Variants in PNPLA5 observed in about 807,000 individuals in gnomAD.
PNPLA5 encodes the protein patatin-like phospholipase domain-containing protein 5.
PNPLA5 carries 44 observed loss-of-function variants against 49.1 expected under a neutral mutation model. The observed-to-expected ratio is 0.90, with a 90% CI of 0.70 to 1.15. The LOEUF (loss-of-function observed/expected upper bound fraction) is 1.15. PNPLA5 is among the 50% of genes most tolerant of loss of function. PNPLA5 has a pLI of 0.00. For missense variants in PNPLA5, 603 were observed against 564.0 expected (o/e 1.07, Z -0.70); for synonymous variants, 243 against 244.4 (o/e 0.99, Z 0.06).
At position 43,891,719 on chromosome 22, in the gene PNPLA5, G is replaced by A; in HGVS notation, c.162C>T (p.Asn54=). 1 of 1,548,118 alleles carries A rather than the reference G, an allele frequency of 6.5e-7. No homozygotes were observed. The highest frequency in any genetic ancestry group is 2.0e-5 in the Admixed American group (1 of 50,512). Residue 54 remains asparagine, a synonymous_variant, in exon 1 of 9, where the codon AAC becomes AAT. Transcript: ENST00000216177. Reference sequence around the variant, plus strand: ...ACTTGCCGCAGACGATGCTGACTGCGTTGAGCGCCCCAGACGAGGAACCGT... The same window carrying A: ...ACTTGCCGCAGACGATGCTGACTGCATTGAGCGCCCCAGACGAGGAACCGT... ...RIYGSSSGAL[N]AVSIVCGKSV...
chr22:43,891,182 A>G lies in PNPLA5; in HGVS notation c.306T>C (p.Asp102=), dbSNP rs2071884. ...PIEHVKQQLQ[D]ALPPDAHVLA... ...GGACGTGGGCGTCGGGGGGCAGAGC[A>G]TCCTGCAGCTGCTGCTTGACGTGCT... The change falls in exon 2 of 9, where the codon GAT becomes GAC. Residue 102 remains aspartate, a synonymous_variant. Transcript: ENST00000216177. 601,400 of 1,593,144 alleles carry G rather than the reference A, an allele frequency of 0.38. 115,106 individuals are homozygous for G. The highest frequency in any genetic ancestry group is 0.46 in the South Asian group (41,001 of 89,174).
intron 6 of PNPLA5, 107 bp from the exon 7 acceptor site, chr22:43,884,452 C>T (rs2049641880): frequency 7.2e-7 from 1 of 1,387,752 alleles, no homozygotes; most frequent in Non-Finnish European, 9.4e-7. Flanking sequence ...CCACCTTCTG[C>T]AGATGAAGAA....
At position 43,889,432 on chromosome 22, in the gene PNPLA5, G is replaced by A. The variant is rs10428037; in HGVS notation, c.599C>T (p.Thr200Ile). 0.02 allele frequency: 31,881 copies of A among 1,614,102 alleles called. 461 individuals are homozygous for A. The highest frequency in any genetic ancestry group is 0.061 in the African/African-American group (4,565 of 75,004). ...GTTCAGCTCATGCAGGTTGGGGGAG[G>A]TGCTCTGGGGGCAGATGTCCACTGT... Reference protein sequence around the residue: ...HGTVDICPQSTSPNLHELNVF... With the variant: ...HGTVDICPQSISPNLHELNVF... Residue 200 changes from threonine to isoleucine, a missense_variant, in exon 4 of 9, where the codon ACC becomes ATC. By Grantham distance (89) the Thr-to-Ile change is moderately conservative. Coordinates refer to ENST00000216177, the MANE Select transcript of PNPLA5 (RefSeq NM_138814.4).
At position 43,880,263 on chromosome 22, in the gene PNPLA5, G is replaced by A. The variant is rs868720317; in HGVS notation, c.*532C>T. ...CCTCCTCCTCCTGCTTCCTGCCAGG[G>A]CCTTCCACCCTCTGGACCTGATAGG... On this transcript the variant is annotated 3_prime_UTR_variant, in exon 9 of 9. Coordinates refer to ENST00000216177, the MANE Select transcript of PNPLA5 (RefSeq NM_138814.4). 1.0e-5 allele frequency: 4 copies of A among 397,416 alleles called. No homozygotes were observed. Among genetic ancestry groups the A allele is most frequent in the African/African-American group, 4.1e-5 (2 of 48,608 alleles). 24.6% of individuals were successfully genotyped at this position (397,416 alleles called of 1,614,324 possible).
At chr22:43,887,900 C>A (rs964607439) in intron 4 of PNPLA5, among the ~76,000 whole-genome samples, 1 of 152,178 alleles carries the variant, frequency 6.6e-6, no homozygotes, top group Non-Finnish European at 1.5e-5. Flanking sequence ...CATTGCATCT[C>A]CCCCCTGAGA....
At chr22:43,891,367 C>T in intron 1 of PNPLA5, 73 bp from the exon 2 acceptor site, 2 of 1,473,170 alleles carry the variant, frequency 1.4e-6, no homozygotes, top group Admixed American at 2.6e-5. Context: ...CCCCACTGCC[C>T]TCCTAGGTGC....
chr22:43,891,158 G>A lies in PNPLA5; in HGVS notation c.330C>T (p.Val110=). The change falls in exon 2 of 9, where the codon GTC becomes GTT. Residue 110 remains valine (V), a synonymous_variant. Transcript: ENST00000216177. The stretch of plus-strand genomic sequence containing the variant: ...AAATGCCCAGCCGCTGGGAGGCCAG[G>A]ACGTGGGCGTCGGGGGGCAGAGCAT... The part of the protein sequence containing the change: ...LQDALPPDAH[V]LASQRLGISL... 1 of 1,601,912 alleles carries A rather than the reference G, an allele frequency of 6.2e-7. No homozygotes were observed. The highest frequency in any genetic ancestry group is 8.5e-7 in the Non-Finnish European group (1 of 1,172,182).
chr22:43,880,517 T>A lies in PNPLA5; in HGVS notation c.*278A>T, dbSNP rs2049597066. The A allele has an allele frequency of 1.3e-5, 5 of 399,036 alleles. No individual in the cohort carries two copies. The highest frequency in any genetic ancestry group is 2.2e-5 in the Non-Finnish European group (5 of 226,912). 24.7% of individuals were successfully genotyped at this position (399,036 alleles called of 1,614,324 possible). A position where few individuals can be genotyped will look rare whatever the true frequency, so the allele number is the denominator to read the frequency against. On this transcript the variant is annotated 3_prime_UTR_variant, in exon 9 of 9. Transcript: ENST00000216177. ...CTCCCCAGCAATGCTGCCCTCCTAG[T>A]CCCCCCGTGGAAATTCTGAAAGTAA...
chr22:43,886,338 G>T lies in PNPLA5; in HGVS notation c.914C>A (p.Pro305His). 3.7e-6 allele frequency: 6 copies of T among 1,614,074 alleles called. No homozygotes were observed. The highest frequency in any genetic ancestry group is 5.1e-6 in the Non-Finnish European group (6 of 1,179,988). ...CTCTGGTGAGAGCTGCTCAAAGTTG[G>T]GTACATCCTTGACTTGCACATGGGG... ...KVPHVQVKDV[P>H]NFEQLSPELE... The change falls in exon 6 of 9, where the codon CCC becomes CAC. Residue 305 changes from proline to histidine, a missense_variant. Pro to His is a moderately conservative substitution (Grantham distance 77, BLOSUM62 -2). Transcript: ENST00000216177.
intron 7 of PNPLA5, among the ~76,000 whole-genome samples, chr22:43,882,250 C>T (rs1430442173): frequency 6.6e-6 from 1 of 152,238 alleles, no homozygotes; most frequent in Non-Finnish European, 1.5e-5. Context: ...TTCCCCACTG[C>T]CTCCATGATG....
rs713864 is a variant in PNPLA5, at chr22:43,889,787, G to A, written c.492+12C>T. The stretch of plus-strand genomic sequence containing the variant: ...GCCCAGAGCACAGAACGGGGTTCCA[G>A]AGTGCACTCACCTCCCCTCTGAACT... On this transcript the variant is annotated intron_variant, in intron 3 of 8. Transcript: ENST00000216177. 600,703 of 1,610,078 alleles carry A rather than the reference G, an allele frequency of 0.37. 113,741 individuals carry two copies. Among genetic ancestry groups the A allele is most frequent in the East Asian group, 0.46 (20,701 of 44,806 alleles).
chr22:43,881,880 T>C (rs1386226661), intron 7 of PNPLA5: 1 of 551,862 alleles, frequency 1.8e-6, no homozygotes, highest in East Asian at 1.4e-4. Flanking sequence ...AGATCCAAAA[T>C]GGACTTTGAA....
chr22:43,891,774 G>T lies in PNPLA5; in HGVS notation c.107C>A (p.Pro36Gln). Residue 36 changes from proline to glutamine, a missense_variant, in exon 1 of 9, where the codon CCG (proline) becomes CAG (glutamine). Coordinates refer to ENST00000216177, the MANE Select transcript of PNPLA5 (RefSeq NM_138814.4). Reference protein sequence around the residue: ...GATECLRQRAPRLLQGARRIY... With the variant: ...GATECLRQRAQRLLQGARRIY... ...GCGGCGGGCGCCCTGGAGGAGGCGC[G>T]GGGCTCGCTGGCGCAGGCATTCGGT... The T allele has an allele frequency of 6.5e-7, 1 of 1,530,490 alleles. No homozygotes were observed. The highest frequency in any genetic ancestry group is 8.8e-7 in the Non-Finnish European group (1 of 1,141,268). The allele number at this position is 1,530,490 out of a possible 1,614,324, so 94.8% of individuals were successfully genotyped here. A position where few individuals can be genotyped will look rare whatever the true frequency, so the allele number is the denominator to read the frequency against.
intron 7 of PNPLA5, 143 bp downstream of exon 7, chr22:43,884,070 C>T: frequency 1.4e-6 from 1 of 697,990 alleles, no homozygotes; most frequent in Non-Finnish European, 2.3e-6. Flanking sequence ...ATGCAGTCAA[C>T]ACCACACAGT....
Position 43,884,221 on chromosome 22 carries a change from G to T in PNPLA5, c.1074C>A (p.Arg358=), listed in dbSNP as rs747604665. The change falls in exon 7 of 9, where the codon CGC becomes CGA. Residue 358 remains arginine, a synonymous_variant. Transcript: ENST00000216177. ...CCCTGGCCGAGCCTTACCTTCTGCT[G>T]CGGAAGTAGATGTACTCGAAGGGCA... ...CTLPFEYIYF[R]SRRLVVWLPD... 2 of 1,553,406 alleles carry T rather than the reference G, an allele frequency of 1.3e-6. No homozygotes were observed. The highest frequency in any genetic ancestry group is 2.4e-5 in the South Asian group (2 of 84,132).
intron 2 of PNPLA5, 61 bp from the exon 3 acceptor site, chr22:43,889,925 CT>C (rs2049706631): frequency 6.3e-7 from 1 of 1,586,256 alleles, no homozygotes; most frequent in Admixed American, 1.8e-5. Context: ...CAGAACCTTC[CT>C]AGGCACGGTT....
intron 5 of PNPLA5, 118 bp from the exon 6 acceptor site, chr22:43,886,606 G>A (rs553105642): frequency 4.0e-5 from 58 of 1,460,118 alleles, no homozygotes; most frequent in African/African-American, 8.4e-5. Context: ...GCTGTGGGAC[G>A]GACCCACAGC....
Position 43,884,319 on chromosome 22 carries a change from G to T in PNPLA5, c.976C>A (p.Pro326Thr), listed in dbSNP as rs772396499. Residue 326 changes from proline (P) to threonine (T), a missense_variant, in exon 7 of 9, where the codon CCC (proline) becomes ACC (threonine). Coordinates refer to ENST00000216177, the MANE Select transcript of PNPLA5 (RefSeq NM_138814.4). ...TGCCAGAAGCGGGCCCACCGGCTGG[G>T]ATCCCTCGTACATGCTTTCTTCAGT... is the stretch of plus-strand genomic sequence containing the variant. ...AALKKACTRD[P>T]SRWARFWHSG... is the part of the protein sequence containing the mutation. 2 of 1,594,758 alleles carry T rather than the reference G, an allele frequency of 1.3e-6. No homozygotes were observed. The highest frequency in any genetic ancestry group is 1.7e-6 in the Non-Finnish European group (2 of 1,170,166).
chr22:43,881,076 A>C, intron 8 of PNPLA5, 191 bp from the exon 9 acceptor site: 2 of 785,802 alleles, frequency 2.5e-6, no homozygotes, highest in Non-Finnish European at 3.1e-6. Context: ...GCCACTCCCC[A>C]GAGAACTGCA....
Sources: allele counts gnomAD v4.1 joint callset (sites outside exome capture counted in the v4.1 genomes callset), GRCh38; gene constraint gnomAD v4.1.1; transcripts MANE v1.5; gene names NCBI Gene and HGNC (gene_info 2026-07-23, HGNC 2026-07-21).